LCP1: variants seen among roughly 807,000 people sequenced by gnomAD.
The protein encoded by LCP1 is plastin-2.
LCP1 carries 23 observed loss-of-function variants against 72.0 expected under a neutral mutation model. That is an observed-to-expected ratio of 0.32 (90% CI 0.23 to 0.45). LCP1 has a LOEUF of 0.45. Among genes scored for constraint, LCP1 ranks in the 20% least tolerant of loss-of-function variants. The probability of loss-of-function intolerance (pLI) is 1.00; values close to 1 mark genes in which losing one functional copy is unlikely to be tolerated. For synonymous variants in LCP1, 245 were observed against 275.4 expected (o/e 0.89, Z 1.09); for missense variants, 571 against 748.3 (o/e 0.76, Z 2.76).
intron 12 of LCP1, chr13:46,142,722 C>A: frequency 2.0e-6 from 1 of 512,060 alleles, no homozygotes; most frequent in Admixed American, 2.3e-5. Flanking sequence ...CCTTAATTAC[C>A]TACATGTAAT....
chr13:46,148,849 C>T (rs2045746441), intron 8 of LCP1: 1 of 875,712 alleles, frequency 1.1e-6, no homozygotes. Context: ...AAAGGAAGCA[C>T]AAGTTTAAAG....
chr13:46,175,756 T>C (rs1228910967), intron 1 of LCP1, among the ~76,000 whole-genome samples: 1 of 152,154 alleles, frequency 6.6e-6, no homozygotes, highest in East Asian at 1.9e-4. Flanking sequence ...ATATTCCATA[T>C]TTTCAAAGGG....
chr13:46,172,474 G>T (rs577978016), intron 1 of LCP1, among the ~76,000 whole-genome samples: 1 of 151,904 alleles, frequency 6.6e-6, no homozygotes, highest in Non-Finnish European at 1.5e-5. Flanking sequence ...ACAGAGCAAG[G>T]CTCCATTACA....
At chr13:46,180,292 G>A (rs1002430163) in intron 1 of LCP1, among the ~76,000 whole-genome samples, 4 of 152,288 alleles carry the variant, frequency 2.6e-5, no homozygotes, top group Non-Finnish European at 5.9e-5. Context: ...CTTACACTAC[G>A]TGCTCATAAT....
intron 1 of LCP1, among the ~76,000 whole-genome samples, chr13:46,166,074 G>T (rs566232707): frequency 6.6e-6 from 1 of 152,294 alleles, no homozygotes; most frequent in South Asian, 2.1e-4. Context: ...AGTCAGTAGC[G>T]AAGGGAATTT....
intron 1 of LCP1, among the ~76,000 whole-genome samples, chr13:46,170,327 TG>T (rs1441548681): frequency 6.6e-6 from 1 of 152,244 alleles, no homozygotes; most frequent in East Asian, 1.9e-4. Flanking sequence ...GTCTGTGAAA[TG>T]GCACCTGTGC....
rs115477092 is a variant in LCP1 at position 46,173,905 on chromosome 13, A to C, written c.-25+8206T>G. Among the ~76,000 whole-genome samples the C allele has an allele frequency of 8.5e-3, 1,296 of 152,290 alleles. 15 individuals carry two copies. The highest frequency in any genetic ancestry group is 0.029 in the African/African-American group (1,193 of 41,556). ...CAGCAATCTTAAGAAAAGCCCAACC[A>C]CATACACTATGAGCCATGAAAAGAA... On this transcript the variant is annotated intron_variant, in intron 1 of 15. Transcript: ENST00000323076.
intron 1 of LCP1, among the ~76,000 whole-genome samples, chr13:46,176,621 A>C (rs1314832212): frequency 6.6e-6 from 1 of 152,176 alleles, no homozygotes; most frequent in African/African-American, 2.4e-5. Flanking sequence ...CTGAGGAAAC[A>C]AAATGCAGGG....
Position 46,165,384 on chromosome 13 carries a change from A to C in LCP1, c.-24-5698T>G, listed in dbSNP as rs1182268087. 2.0e-5 allele frequency among the ~76,000 whole-genome samples: 3 copies of C among 152,258 alleles called. No individual in the cohort carries two copies. In the East Asian group the frequency reaches 5.8e-4, roughly 29 times the overall value. On this transcript the variant is annotated intron_variant, in intron 1 of 15. Coordinates refer to ENST00000323076, the MANE Select transcript of LCP1 (RefSeq NM_002298.5). ...GCGAGACCCCATTTCAAAAACAAAA[A>C]AAAAACAAAAATGCACCCATTTTAA...
chr13:46,153,260 A>C, intron 6 of LCP1: 1 of 194,596 alleles, frequency 5.1e-6, no homozygotes, highest in Non-Finnish European at 1.0e-5. Flanking sequence ...TGACACACAA[A>C]ACATCTCTAT....
chr13:46,151,116 C>G, intron 7 of LCP1, 38 bp from the exon 8 acceptor site: 1 of 1,583,328 alleles, frequency 6.3e-7, no homozygotes, highest in Admixed American at 1.9e-5. Context: ...ATAAATGCAG[C>G]GATGTTGGGG....
At position 46,154,744 on chromosome 13, in the gene LCP1, A is replaced by G. The variant is rs367690115; in HGVS notation, c.573+61T>C. 5 of 1,369,726 alleles carry G rather than the reference A, an allele frequency of 3.7e-6. No homozygotes were observed. In the African/African-American group the frequency reaches 7.2e-5, roughly 20 times the overall value. The allele number at this position is 1,369,726 out of a possible 1,614,324, so 84.8% of individuals were successfully genotyped here. ...AGCCCCTGAAAAAGGCGGACTCAGC[A>G]GTTATGATGCTCATTGATGCCAAAC... is the stretch of plus-strand genomic sequence containing the variant. On this transcript the variant is annotated intron_variant, in intron 6 of 15. Coordinates refer to ENST00000323076, the MANE Select transcript of LCP1 (RefSeq NM_002298.5).
At chr13:46,153,774 T>C (rs2045784110) in intron 6 of LCP1, among the ~76,000 whole-genome samples, 1 of 152,168 alleles carries the variant, frequency 6.6e-6, no homozygotes, top group South Asian at 2.1e-4. Context: ...GGAATGGTTT[T>C]TGCTAGGTTG....
chr13:46,176,874 T>TG (rs1462650865), intron 1 of LCP1, among the ~76,000 whole-genome samples: 1 of 122,772 alleles, frequency 8.1e-6, no homozygotes, highest in African/African-American at 3.0e-5. Context: ...TGTGTGTTTA[T>TG]TTGTGTGTGT....
rs1008064644 is a variant in LCP1 at position 46,134,931 on chromosome 13, C to T, written c.1503-681G>A. Reference sequence around the variant, plus strand: ...CCTGCCTGGGAAACATAACGAAACCCGGTCTCTACCAAAAACACACACAAA... The same window carrying T: ...CCTGCCTGGGAAACATAACGAAACCTGGTCTCTACCAAAAACACACACAAA... On this transcript the variant is annotated intron_variant, in intron 13 of 15. Transcript: ENST00000323076. Among the ~76,000 whole-genome samples, 16 of 151,820 alleles carry T rather than the reference C, an allele frequency of 1.1e-4. 1 individual carries two copies. The highest frequency in any genetic ancestry group is 5.9e-4 in the Admixed American group (9 of 15,228).
chr13:46,163,773 A>T (rs1182744294), intron 1 of LCP1, among the ~76,000 whole-genome samples: 1 of 152,220 alleles, frequency 6.6e-6, no homozygotes, highest in Admixed American at 6.5e-5. Flanking sequence ...CTCAGAAATC[A>T]AGGCTTCTGT....
Position 46,154,878 on chromosome 13 carries a change from A to G in LCP1, c.500T>C (p.Ile167Thr). ...VGDGIVLCKMINLSVPDTIDE... is the reference protein window; with the variant it reads ...VGDGIVLCKMTNLSVPDTIDE... ...AATTGTGTCTGGCACTGACAGGTTG[A>G]TCATTTTACTGAAAGAGAAACAATT... Residue 167 changes from isoleucine to threonine, a missense_variant, in exon 6 of 16, where the codon ATC (isoleucine) becomes ACC (threonine). By Grantham distance (89) the Ile-to-Thr change is moderately conservative. Transcript: ENST00000323076. The G allele has an allele frequency of 5.0e-6, 8 of 1,613,368 alleles. No homozygotes were observed. The highest frequency in any genetic ancestry group is 6.8e-6 in the Non-Finnish European group (8 of 1,179,268).
intron 1 of LCP1, among the ~76,000 whole-genome samples, chr13:46,162,585 G>A (rs985817668): frequency 2.6e-5 from 4 of 152,138 alleles, no homozygotes; most frequent in African/African-American, 9.7e-5. Flanking sequence ...TGCAGGCGGA[G>A]TCTCGTTCAC....
chr13:46,153,001 AT>A (rs2045778206), intron 6 of LCP1, 56 bp from the exon 7 acceptor site: 1 of 1,487,896 alleles, frequency 6.7e-7, no homozygotes, highest in African/African-American at 1.4e-5. Flanking sequence ...ATGCCAAATA[AT>A]ACCGATGGCA....
Sources: allele counts gnomAD v4.1 joint callset (sites outside exome capture counted in the v4.1 genomes callset), GRCh38; gene constraint gnomAD v4.1.1; transcripts MANE v1.5; gene names NCBI Gene and HGNC (gene_info 2026-07-23, HGNC 2026-07-21).